ABCC4: variants seen among roughly 807,000 people sequenced by gnomAD.
ABCC4 encodes the protein ATP-binding cassette sub-family C member 4.
Under a neutral mutation model 168.5 loss-of-function variants are expected in ABCC4, and 102 were observed. That is an observed-to-expected ratio of 0.61 (90% CI 0.52 to 0.71). The LOEUF (loss-of-function observed/expected upper bound fraction) is 0.71, where lower values mean the gene tolerates loss of function less well. Ranked by LOEUF, ABCC4 falls within the 30% of genes least tolerant of loss-of-function variation. The pLI is 0.00. For synonymous variants in ABCC4, 617 were observed against 590.7 expected (o/e 1.04, Z -0.65); for missense variants, 1,402 against 1,605.8 (o/e 0.87, Z 2.17).
At chr13:95,143,928 A>G (rs1308077302) in intron 19 of ABCC4, among the ~76,000 whole-genome samples, 1 of 152,216 alleles carries the variant, frequency 6.6e-6, no homozygotes. Context: ...CCTTCTGAAA[A>G]TTGATAAAAG....
At chr13:95,147,057 C>A (rs1481435536) in intron 19 of ABCC4, among the ~76,000 whole-genome samples, 4 of 152,170 alleles carry the variant, frequency 2.6e-5, no homozygotes, top group Non-Finnish European at 4.4e-5. Flanking sequence ...AGAATCATCG[C>A]AGTTCAGAGC....
intron 26 of ABCC4, among the ~76,000 whole-genome samples, chr13:95,056,646 AAG>A (rs2033066517): frequency 1.3e-5 from 2 of 150,468 alleles, no homozygotes; most frequent in Non-Finnish European, 3.0e-5. Context: ...TCTCAAAAAG[AAG>A]AAAAAAAAAA....
chr13:95,238,059 G>T (rs946978768), intron 3 of ABCC4, among the ~76,000 whole-genome samples: 2 of 151,828 alleles, frequency 1.3e-5, no homozygotes, highest in Non-Finnish European at 2.9e-5. Context: ...GCTGGGTATG[G>T]TGGCTCGCAC....
At chr13:95,180,533 C>A (rs1160951545) in intron 11 of ABCC4, among the ~76,000 whole-genome samples, 2 of 151,200 alleles carry the variant, frequency 1.3e-5, no homozygotes, top group Admixed American at 1.3e-4. Context: ...GCCTGGGCAA[C>A]AAGAGTGAAA....
chr13:95,301,256 G>A lies in ABCC4; in HGVS notation c.59C>T (p.Ser20Leu). ...GGACACTCACCAGAAGAACACGCGTGAGCAGAGGTTCGCGTCCTGCAGCGG... is the reference window on the plus strand; with the variant it reads ...GGACACTCACCAGAAGAACACGCGTAAGCAGAGGTTCGCGTCCTGCAGCGG... The part of the protein sequence containing the change: ...PNPLQDANLC[S>L]RVFFWWLNPL... Residue 20 changes from serine to leucine, a missense_variant, in exon 1 of 31, where the codon TCA (serine) becomes TTA (leucine). Transcript: ENST00000645237. The A allele has an allele frequency of 6.3e-7, 1 of 1,594,612 alleles. No individual in the cohort carries two copies. The highest frequency in any genetic ancestry group is 8.5e-7 in the Non-Finnish European group (1 of 1,171,310).
chr13:95,250,652 A>T (rs2040229301), intron 1 of ABCC4, among the ~76,000 whole-genome samples: 1 of 151,982 alleles, frequency 6.6e-6, no homozygotes, highest in African/African-American at 2.4e-5. Context: ...CAGGAGTCTT[A>T]GACAAGGGTT....
Position 95,044,503 on chromosome 13 carries a change from T to C in ABCC4, c.3457-65A>G, listed in dbSNP as rs556066216. The C allele has an allele frequency of 8.9e-4, 1,302 of 1,457,352 alleles. 4 individuals are homozygous for C. Among genetic ancestry groups the C allele is most frequent in the African/African-American group, 3.9e-3 (272 of 70,468 alleles). 90.3% of individuals were successfully genotyped at this position (1,457,352 alleles called of 1,614,324 possible). ...CCGCTATGGAAGTAGTCAAGCCTCA[T>C]AGACATTAGAACCTTCAAGTCCCTT... On this transcript the variant is annotated intron_variant, in intron 27 of 30. Transcript: ENST00000645237.
chr13:95,041,533 G>A (rs942777247), intron 29 of ABCC4, among the ~76,000 whole-genome samples: 1 of 152,148 alleles, frequency 6.6e-6, no homozygotes, highest in African/African-American at 2.4e-5. Context: ...ATTAACATCT[G>A]TCACTTCCCC....
At chr13:95,064,579 G>C (rs143920474) in intron 25 of ABCC4, among the ~76,000 whole-genome samples, 460 of 151,788 alleles carry the variant, frequency 3.0e-3, no homozygotes, top group African/African-American at 0.011. Flanking sequence ...TCTAGACATA[G>C]ACAAATGCTG....
intron 1 of ABCC4, among the ~76,000 whole-genome samples, chr13:95,270,541 GACC>G (rs2040821880): frequency 6.6e-6 from 1 of 152,118 alleles, no homozygotes; most frequent in Non-Finnish European, 1.5e-5. Context: ...AGTTTGGTGA[GACC>G]CTGTGGCACA....
intron 29 of ABCC4, among the ~76,000 whole-genome samples, chr13:95,040,716 G>C (rs1365958477): frequency 1.3e-5 from 2 of 152,182 alleles, no homozygotes; most frequent in African/African-American, 4.8e-5. Flanking sequence ...ATAAAACTCA[G>C]GTTAGCTTTG....
chr13:95,031,853 T>C (rs1450724880), intron 30 of ABCC4, among the ~76,000 whole-genome samples: 1 of 152,222 alleles, frequency 6.6e-6, no homozygotes, highest in Admixed American at 6.5e-5. Flanking sequence ...TAAAATTCTA[T>C]GACCTATTTC....
chr13:95,037,239 A>G (rs2032163871), intron 29 of ABCC4, among the ~76,000 whole-genome samples: 1 of 152,220 alleles, frequency 6.6e-6, no homozygotes, highest in South Asian at 2.1e-4. Flanking sequence ...TATGGCTACC[A>G]TAAAAATCAA....
At chr13:95,253,957 A>G (rs1194975769) in intron 1 of ABCC4, among the ~76,000 whole-genome samples, 1 of 152,056 alleles carries the variant, frequency 6.6e-6, no homozygotes, top group Non-Finnish European at 1.5e-5. Context: ...CAGTGGCGCA[A>G]TCATACCTCA....
chr13:95,299,040 C>A (rs1353065279), intron 1 of ABCC4, among the ~76,000 whole-genome samples: 2 of 151,900 alleles, frequency 1.3e-5, no homozygotes, highest in African/African-American at 2.4e-5. Flanking sequence ...AACACTTGAG[C>A]CCAGGAGTTC....
intron 8 of ABCC4, among the ~76,000 whole-genome samples, chr13:95,196,627 AG>A (rs1170200790): frequency 2.3e-3 from 17 of 7,504 alleles, no homozygotes; most frequent in East Asian, 9.7e-3. Context: ...GAAGGAAGGA[AG>A]GAAGGAAGGA....
intron 1 of ABCC4, among the ~76,000 whole-genome samples, chr13:95,257,244 T>C (rs2138838419): frequency 6.6e-6 from 1 of 152,320 alleles, no homozygotes; most frequent in African/African-American, 2.4e-5. Context: ...GGAAAATCAT[T>C]GAGGAGAAGA....
At chr13:95,076,388 T>C (rs1389808369) in intron 21 of ABCC4, among the ~76,000 whole-genome samples, 1 of 152,194 alleles carries the variant, frequency 6.6e-6, no homozygotes, top group East Asian at 1.9e-4. Flanking sequence ...TCTACAGAAT[T>C]TTAAGAAGTG....
chr13:95,033,010 C>A (rs548997924), intron 30 of ABCC4, among the ~76,000 whole-genome samples: 9 of 122,388 alleles, frequency 7.4e-5, no homozygotes, highest in African/African-American at 2.3e-4. Flanking sequence ...CGCTCTGTCG[C>A]CCAGGCTGGA....
Sources: gnomAD v4.1 joint callset for allele counts (sites outside exome capture counted in the v4.1 genomes callset) on GRCh38, gnomAD v4.1.1 for gene constraint, MANE v1.5 for transcripts, NCBI Gene and HGNC (gene_info 2026-07-23, HGNC 2026-07-21) for gene names.